The following ROBO2 variants were observed in gnomAD, a reference collection of about 807,000 sequenced individuals.
ROBO2 encodes roundabout homolog 2.
ROBO2 carries 53 observed loss-of-function variants against 160.8 expected under a neutral mutation model. That is an observed-to-expected ratio of 0.33 (90% CI 0.26 to 0.41). ROBO2 has a LOEUF of 0.41. Among genes scored for constraint, ROBO2 ranks in the 10% least tolerant of loss-of-function variants. ROBO2 has a pLI of 1.00. For synonymous variants in ROBO2, 664 were observed against 611.7 expected (o/e 1.09, Z -1.26); for missense variants, 1,577 against 1,722.4 (o/e 0.92, Z 1.49).
chr3:77,540,512 G>A (rs1012100118), intron 6 of ROBO2, among the ~76,000 whole-genome samples: 1 of 151,114 alleles, frequency 6.6e-6, no homozygotes, highest in African/African-American at 2.4e-5. Context: ...AGTGGAAGCT[G>A]AACAATGTGA....
intron 2 of ROBO2, among the ~76,000 whole-genome samples, chr3:77,366,369 G>A (rs2070871916): frequency 6.6e-6 from 1 of 151,950 alleles, no homozygotes; most frequent in South Asian, 2.1e-4. Context: ...TCTCATGAAG[G>A]GAATTAGTGC....
At position 76,597,343 on chromosome 3, in the gene ROBO2, A is replaced by G. The variant is rs902030463; in HGVS notation, c.110-500671A>G. On this transcript the variant is annotated intron_variant, in intron 2 of 26. Coordinates refer to the ROBO2 transcript ENST00000487694. ...GAAAAGCCAAAGCTTGAGAGAAAAT[A>G]TTTGCAAACACATATCTGACAAAGG... Among the ~76,000 whole-genome samples, 37 of 152,100 alleles carry G rather than the reference A, an allele frequency of 2.4e-4. 1 individual carries two copies. The highest frequency in any genetic ancestry group is 2.3e-3 in the Admixed American group (35 of 15,264).
At chr3:77,483,192 A>G (rs932743238) in intron 4 of ROBO2, among the ~76,000 whole-genome samples, 3 of 152,154 alleles carry the variant, frequency 2.0e-5, no homozygotes, top group Non-Finnish European at 4.4e-5. Flanking sequence ...GAGGGGTTAT[A>G]AGTACAAGAT....
chr3:76,912,233 G>A (rs369111555), intron 2 of ROBO2, among the ~76,000 whole-genome samples: 160 of 152,128 alleles, frequency 1.1e-3, no homozygotes, highest in African/African-American at 2.9e-3. Context: ...AAAATACTAG[G>A]GAGTTCATGA....
At chr3:77,200,169 A>C (rs1363848247) in intron 2 of ROBO2, among the ~76,000 whole-genome samples, 2 of 148,960 alleles carry the variant, frequency 1.3e-5, no homozygotes, top group African/African-American at 2.4e-5. Context: ...GTTATGAATG[A>C]CTTTCCTTCT....
intron 2 of ROBO2, among the ~76,000 whole-genome samples, chr3:77,379,243 G>A (rs770761800): frequency 1.1e-4 from 16 of 152,180 alleles, no homozygotes; most frequent in Non-Finnish European, 2.2e-4. Flanking sequence ...ACAACGCCCA[G>A]CAACTTCTGT....
At chr3:76,094,134 TCACACACACACA>T (rs59815528) in intron 2 of ROBO2, among the ~76,000 whole-genome samples, 1 of 148,608 alleles carries the variant, frequency 6.7e-6, no homozygotes, top group East Asian at 2.0e-4. Context: ...ACACTCGCAC[TCACACACACACA>T]CACACACACA....
intron 2 of ROBO2, among the ~76,000 whole-genome samples, chr3:76,258,721 G>A (rs998150830): frequency 1.6e-4 from 25 of 151,596 alleles, no homozygotes; most frequent in Non-Finnish European, 3.2e-4. Context: ...TGTTTGATTC[G>A]TCTTCCTCAC....
exon 1 of ROBO2, chr3:77,040,208 A>G (rs1578444825): frequency 9.1e-6 from 9 of 986,654 alleles, no homozygotes; most frequent in Non-Finnish European, 1.1e-5. Context: ...GAGGCCCGCC[A>G]AGTCTGCCCG....
chr3:76,109,656 A>AT (rs1220848531), intron 2 of ROBO2, among the ~76,000 whole-genome samples: 1 of 151,756 alleles, frequency 6.6e-6, no homozygotes, highest in Non-Finnish European at 1.5e-5. Context: ...GCAGTAACTT[A>AT]TTTTTTCAGA....
At chr3:77,106,954 A>G (rs2072885669) in intron 2 of ROBO2, among the ~76,000 whole-genome samples, 1 of 152,244 alleles carries the variant, frequency 6.6e-6, no homozygotes, top group Admixed American at 6.5e-5. Flanking sequence ...GTCTACTAAG[A>G]CGTCAGTAGT....
intron 2 of ROBO2, among the ~76,000 whole-genome samples, chr3:76,090,931 A>G (rs780766007): frequency 6.6e-6 from 1 of 152,222 alleles, no homozygotes; most frequent in Non-Finnish European, 1.5e-5. Flanking sequence ...CATAGGCCTT[A>G]CAACTCTTCC....
intron 2 of ROBO2, among the ~76,000 whole-genome samples, chr3:76,750,474 G>A (rs1425763605): frequency 6.6e-6 from 1 of 152,080 alleles, no homozygotes; most frequent in Non-Finnish European, 1.5e-5. Context: ...AAGAAATAAA[G>A]GGTATTCAAT....
At chr3:76,603,194 C>T (rs1417514566) in intron 2 of ROBO2, among the ~76,000 whole-genome samples, 5 of 150,744 alleles carry the variant, frequency 3.3e-5, no homozygotes, top group African/African-American at 4.9e-5. Flanking sequence ...TAGCTGGGCA[C>T]TGTGGTGGGT....
intron 2 of ROBO2, among the ~76,000 whole-genome samples, chr3:77,008,424 A>G (rs1337338923): frequency 2.0e-5 from 3 of 152,316 alleles, no homozygotes; most frequent in East Asian, 3.9e-4. Flanking sequence ...TGACTGACTC[A>G]TATTCCAAAG....
At chr3:76,350,964 T>C (rs1366880555) in intron 2 of ROBO2, among the ~76,000 whole-genome samples, 1 of 151,848 alleles carries the variant, frequency 6.6e-6, no homozygotes, top group African/African-American at 2.4e-5. Flanking sequence ...ATGAGTGAAA[T>C]TGGTATATAT....
At chr3:77,434,510 T>C (rs1272065288) in intron 2 of ROBO2, among the ~76,000 whole-genome samples, 1 of 152,148 alleles carries the variant, frequency 6.6e-6, no homozygotes, top group Non-Finnish European at 1.5e-5. Context: ...ACTGAATGAA[T>C]GAATGAGCTC....
At chr3:76,003,974 G>A (rs552440009) in intron 2 of ROBO2, among the ~76,000 whole-genome samples, 1 of 152,296 alleles carries the variant, frequency 6.6e-6, no homozygotes, top group Non-Finnish European at 1.5e-5. Flanking sequence ...TGGTATAGTT[G>A]CTTTGGAAAA....
At chr3:77,541,700 A>G (rs2092468331) in intron 6 of ROBO2, among the ~76,000 whole-genome samples, 2 of 152,238 alleles carry the variant, frequency 1.3e-5, no homozygotes, top group South Asian at 4.1e-4. Flanking sequence ...AGCTGAAGCA[A>G]TAAGGTATAA....
Sources: gnomAD v4.1 joint callset for allele counts (sites outside exome capture counted in the v4.1 genomes callset) on GRCh38, gnomAD v4.1.1 for gene constraint, MANE v1.5 for transcripts, NCBI Gene and HGNC (gene_info 2026-07-23, HGNC 2026-07-21) for gene names.